Variants in DPF3 observed in about 807,000 individuals in gnomAD.
DPF3 encodes zinc finger protein DPF3.
Under a neutral mutation model 56.8 loss-of-function variants are expected in DPF3, and 18 were observed. The observed-to-expected ratio is 0.32, with a 90% CI of 0.22 to 0.47. The LOEUF is 0.47. DPF3 is among the 20% of genes least tolerant of loss of function. The pLI, the probability that DPF3 is intolerant of heterozygous loss-of-function variation, is 1.00. For missense variants in DPF3, 403 were observed against 488.8 expected, an observed-to-expected ratio of 0.82 and a Z score of 1.65; for synonymous variants, 188 against 180.2, an observed-to-expected ratio of 1.04 and a Z score of -0.35.
chr14:72,879,907 G>C, intron 1 of DPF3: 1 of 1,516,268 alleles, frequency 6.6e-7, no homozygotes, highest in South Asian at 1.2e-5. Context: ...CGTGTTTTCC[G>C]GGGAGATGAT....
At chr14:72,818,571 G>T (rs949601575) in intron 1 of DPF3, among the ~76,000 whole-genome samples, 6 of 152,156 alleles carry the variant, frequency 3.9e-5, no homozygotes. Flanking sequence ...CAGCTACATC[G>T]CAGGCTGAGG....
At chr14:72,836,527 ATGATTGCCCTG>A (rs1241428852) in intron 1 of DPF3, 1 of 985,104 alleles carries the variant, frequency 1.0e-6, no homozygotes. Context: ...TGGGGAGATT[ATGATTGCCCTG>A]TGGTTGCCAT....
intron 1 of DPF3, among the ~76,000 whole-genome samples, chr14:72,850,825 ACG>A (rs1261742631): frequency 1.9e-4 from 29 of 152,236 alleles, no homozygotes; most frequent in Middle Eastern, 3.4e-3. Context: ...GTGTGTGCGC[ACG>A]CGCATGTGTG....
At chr14:72,636,078 A>T (rs1885373302) in intron 8 of DPF3, among the ~76,000 whole-genome samples, 1 of 152,196 alleles carries the variant, frequency 6.6e-6, no homozygotes, top group Non-Finnish European at 1.5e-5. Flanking sequence ...GTAAATGCAA[A>T]ACTCAAATTG....
intron 1 of DPF3, among the ~76,000 whole-genome samples, chr14:72,847,375 C>A (rs548382863): frequency 1.2e-4 from 19 of 152,350 alleles, no homozygotes; most frequent in Non-Finnish European, 2.6e-4. Flanking sequence ...TCTCTACTTA[C>A]GGATTCCACC....
At position 72,888,061 on chromosome 14, in the gene DPF3, G is replaced by A. The variant is rs753672881; in HGVS notation, c.32+5996C>T. Among the ~76,000 whole-genome samples the A allele has an allele frequency of 5.3e-5, 8 of 152,284 alleles. No individual in the cohort carries two copies. The South Asian group carries it at 6.2e-4, about 12-fold the overall frequency. On this transcript the variant is annotated intron_variant, in intron 1 of 10. Transcript: ENST00000556509. ...AGGGTGCAAAGTGGGGATTAGACAT[G>A]TGCCAGCATTGTTCCGCAGGCTCAG... is the stretch of plus-strand genomic sequence containing the variant.
intron 3 of DPF3, among the ~76,000 whole-genome samples, chr14:72,746,547 G>A (rs1055574115): frequency 6.6e-6 from 1 of 152,248 alleles, no homozygotes; most frequent in African/African-American, 2.4e-5. Flanking sequence ...CTCTGAGAAG[G>A]TGCTCTGCCA....
chr14:72,815,281 G>T (rs1180170427), intron 1 of DPF3, among the ~76,000 whole-genome samples: 6 of 151,946 alleles, frequency 3.9e-5, no homozygotes, highest in Non-Finnish European at 7.4e-5. Context: ...AAATCACAAT[G>T]AGATACCGTT....
At chr14:72,794,476 G>T (rs1042546908) in intron 1 of DPF3, among the ~76,000 whole-genome samples, 3 of 152,174 alleles carry the variant, frequency 2.0e-5, no homozygotes, top group African/African-American at 7.2e-5. Flanking sequence ...AAGCCAGCGG[G>T]GTCAGCAGTC....
At chr14:72,859,589 G>A (rs754341901) in intron 1 of DPF3, among the ~76,000 whole-genome samples, 10 of 151,264 alleles carry the variant, frequency 6.6e-5, no homozygotes, top group East Asian at 2.0e-4. Context: ...GGGACAGAGC[G>A]GGTGGGCCTG....
intron 1 of DPF3, among the ~76,000 whole-genome samples, chr14:72,809,064 A>G (rs1033000151): frequency 6.6e-6 from 1 of 152,178 alleles, no homozygotes; most frequent in African/African-American, 2.4e-5. Flanking sequence ...TTCCCTGGAG[A>G]GTTGGTTGTT....
intron 1 of DPF3, among the ~76,000 whole-genome samples, chr14:72,823,153 T>C (rs926063693): frequency 6.6e-6 from 1 of 152,220 alleles, no homozygotes; most frequent in Non-Finnish European, 1.5e-5. Flanking sequence ...CACCAGGCCC[T>C]GTAGCTGAGG....
chr14:72,629,212 T>G (rs1489507634), intron 9 of DPF3, among the ~76,000 whole-genome samples: 1 of 152,238 alleles, frequency 6.6e-6, no homozygotes, highest in African/African-American at 2.4e-5. Context: ...ACGGAGACTA[T>G]GGAGAGGGAG....
intron 1 of DPF3, among the ~76,000 whole-genome samples, chr14:72,890,000 T>C (rs1886688978): frequency 6.6e-6 from 1 of 152,186 alleles, no homozygotes; most frequent in Non-Finnish European, 1.5e-5. Flanking sequence ...AATAATAATT[T>C]TTTTCTAAGT....
chr14:72,853,668 T>C (rs1216161498), intron 1 of DPF3, among the ~76,000 whole-genome samples: 1 of 152,052 alleles, frequency 6.6e-6, no homozygotes, highest in Non-Finnish European at 1.5e-5. Flanking sequence ...GGTTTCACTA[T>C]GTTGGCCAGG....
At chr14:72,840,470 G>C (rs574095296) in intron 1 of DPF3, among the ~76,000 whole-genome samples, 5 of 152,018 alleles carry the variant, frequency 3.3e-5, no homozygotes, top group Non-Finnish European at 7.4e-5. Flanking sequence ...CTTTCCAGGC[G>C]GCCCGTGTTA....
intron 8 of DPF3, among the ~76,000 whole-genome samples, chr14:72,651,617 G>A (rs1039607277): frequency 6.6e-6 from 1 of 152,186 alleles, no homozygotes; most frequent in Non-Finnish European, 1.5e-5. Context: ...ACTAATACCA[G>A]GTTGTATTCG....
intron 1 of DPF3, among the ~76,000 whole-genome samples, chr14:72,884,976 C>T (rs186181305): frequency 0.011 from 240 of 21,598 alleles, 6 homozygotes; most frequent in Admixed American, 0.068. Flanking sequence ...ATATATTAGC[C>T]GGGCGTAAGG....
intron 1 of DPF3, among the ~76,000 whole-genome samples, chr14:72,849,773 G>A (rs1454867727): frequency 2.6e-5 from 4 of 152,096 alleles, no homozygotes; most frequent in African/African-American, 9.7e-5. Flanking sequence ...AGCCAAATAC[G>A]GCCCCTGGGA....
Sources: gnomAD v4.1 joint callset for allele counts (sites outside exome capture counted in the v4.1 genomes callset) on GRCh38, gnomAD v4.1.1 for gene constraint, MANE v1.5 for transcripts, NCBI Gene and HGNC (gene_info 2026-07-23, HGNC 2026-07-21) for gene names.